The following CD226 variants were observed in gnomAD, a reference collection of about 807,000 sequenced individuals.
CD226 encodes CD226 antigen.
Under a neutral mutation model 34.9 loss-of-function variants are expected in CD226, and 24 were observed. The observed-to-expected ratio is 0.69, with a 90% CI of 0.50 to 0.97. The LOEUF is 0.97. Ranked by LOEUF, CD226 falls within the 50% of genes least tolerant of loss-of-function variation. CD226 has a pLI of 0.00. For missense variants in CD226, 397 were observed against 412.7 expected (o/e 0.96, Z 0.33); for synonymous variants, 148 against 147.4 (o/e 1.00, Z -0.03).
intron 2 of CD226, among the ~76,000 whole-genome samples, chr18:69,936,064 AGAGAAACCCAGGCATC>A (rs1269047664): frequency 6.6e-6 from 1 of 152,188 alleles, no homozygotes; most frequent in Non-Finnish European, 1.5e-5. Flanking sequence ...AAGGAGGTAG[AGAGAAACCCAGGCATC>A]GAGACAGACG....
upstream of CD226, among the ~76,000 whole-genome samples, chr18:69,960,641 G>C (rs540914811): frequency 2.3e-4 from 35 of 152,264 alleles, no homozygotes; most frequent in Admixed American, 3.9e-4. Context: ...GTAGAAACAG[G>C]GTTTTGCCTT....
At chr18:69,944,939 A>G (rs2055771235) in intron 2 of CD226, among the ~76,000 whole-genome samples, 1 of 152,260 alleles carries the variant, frequency 6.6e-6, no homozygotes, top group South Asian at 2.1e-4. Context: ...CTAAAGAGAA[A>G]GGGAAAACTA....
In CD226 at chr18:69,857,027, G is replaced by A. The variant is rs1160587307; in HGVS notation, c.*7287C>T. 2.6e-5 allele frequency: 4 copies of A among 152,178 alleles called. No homozygotes were observed. The highest frequency in any genetic ancestry group is 9.7e-5 in the African/African-American group (4 of 41,446). 9.4% of individuals were successfully genotyped at this position (152,178 alleles called of 1,614,324 possible). A position where few individuals can be genotyped will look rare whatever the true frequency, so the allele number is the denominator to read the frequency against. The stretch of plus-strand genomic sequence containing the variant: ...ACTAAAAATACAAAAAAATTAGCTG[G>A]GCATGGTGGTGGGCGCCTGAAGTCC... On this transcript the variant is annotated 3_prime_UTR_variant, in exon 6 of 6. Transcript: ENST00000582621.
intron 4 of CD226, 137 bp downstream of exon 4, chr18:69,873,007 A>T: frequency 1.6e-6 from 1 of 616,388 alleles, no homozygotes. Context: ...TACCACAGCT[A>T]CTTCTCCTCC....
intron 2 of CD226, among the ~76,000 whole-genome samples, chr18:69,904,368 C>T (rs1474768756): frequency 2.6e-5 from 4 of 152,278 alleles, no homozygotes; most frequent in Admixed American, 6.5e-5. Flanking sequence ...ATGCAGGCCC[C>T]GGCAGCTTTG....
In CD226 at chr18:69,853,361, C is replaced by T. The variant is rs1379809733; in HGVS notation, c.*10953G>A. 4 of 152,186 alleles carry T rather than the reference C, an allele frequency of 2.6e-5. No homozygotes were observed. Among genetic ancestry groups the T allele is most frequent in the Non-Finnish European group, 5.9e-5 (4 of 68,032 alleles). The allele number at this position is 152,186 out of a possible 1,614,324, so 9.4% of individuals were successfully genotyped here. On this transcript the variant is annotated 3_prime_UTR_variant, in exon 6 of 6. Coordinates refer to ENST00000582621, the MANE Select transcript of CD226 (RefSeq NM_001303618.2). ...CAAACAAACGTTGCATAAAAGGCCT[C>T]AGGACGTATAGACCTTCTGCCCTCT...
At chr18:69,949,275 G>A (rs977988976), upstream of CD226, among the ~76,000 whole-genome samples, 3 of 152,190 alleles carry the variant, frequency 2.0e-5, no homozygotes, top group African/African-American at 4.8e-5. Context: ...TGGAGCCGCC[G>A]AGGAGCTGAT....
At chr18:69,953,958 C>T (rs2055875393) in intron 1 of CD226, among the ~76,000 whole-genome samples, 1 of 151,310 alleles carries the variant, frequency 6.6e-6, no homozygotes, top group Admixed American at 6.6e-5. Context: ...TGAGATTGTG[C>T]CACTGCACTC....
chr18:69,889,949 A>G (rs1052058356), intron 3 of CD226, among the ~76,000 whole-genome samples: 1 of 152,230 alleles, frequency 6.6e-6, no homozygotes, highest in African/African-American at 2.4e-5. Context: ...TCAAAATAAG[A>G]AAATGAAAGT....
At chr18:69,944,307 G>A (rs4891794) in intron 2 of CD226, among the ~76,000 whole-genome samples, 115,582 of 152,100 alleles carry the variant, frequency 0.76, 51,336 homozygotes, top group East Asian at 1. Context: ...ACGGACAGCC[G>A]GTATTCCTTC....
At chr18:69,953,149 G>C (rs945494756) in intron 1 of CD226, among the ~76,000 whole-genome samples, 1 of 152,212 alleles carries the variant, frequency 6.6e-6, no homozygotes, top group Non-Finnish European at 1.5e-5. Flanking sequence ...CAGCTGCTGT[G>C]AAGAACAGTT....
chr18:69,882,472 G>A (rs1468507505), intron 3 of CD226, among the ~76,000 whole-genome samples: 1 of 152,156 alleles, frequency 6.6e-6, no homozygotes, highest in East Asian at 1.9e-4. Context: ...TGTATGGCAA[G>A]GATATTTAAG....
chr18:69,903,746 A>T (rs560199784), intron 2 of CD226, among the ~76,000 whole-genome samples: 188 of 152,248 alleles, frequency 1.2e-3, no homozygotes, highest in African/African-American at 4.1e-3. Context: ...ATTGCCAGAA[A>T]TTGCCAGAAG....
chr18:69,946,653 T>C, intron 2 of CD226, 81 bp downstream of exon 2: 3 of 916,088 alleles, frequency 3.3e-6, no homozygotes, highest in Non-Finnish European at 5.0e-6. Flanking sequence ...AGACATTCTA[T>C]AGCTTCTACT....
At chr18:69,950,998 T>C (rs1440356991), upstream of CD226, among the ~76,000 whole-genome samples, 1 of 150,578 alleles carries the variant, frequency 6.6e-6, no homozygotes, top group East Asian at 1.9e-4. Flanking sequence ...TGTGTGTGTG[T>C]GTGTGTGTGT....
intron 2 of CD226, among the ~76,000 whole-genome samples, chr18:69,910,844 C>T (rs888979347): frequency 6.6e-6 from 1 of 151,964 alleles, no homozygotes; most frequent in African/African-American, 2.4e-5. Flanking sequence ...GGTAAGAGGG[C>T]CAGATTTGGG....
At chr18:69,885,644 G>A (rs1055573160) in intron 3 of CD226, among the ~76,000 whole-genome samples, 1 of 152,142 alleles carries the variant, frequency 6.6e-6, no homozygotes, top group African/African-American at 2.4e-5. Flanking sequence ...CCATCACCAG[G>A]TCTCCTTTGC....
In CD226 at chr18:69,861,015, T is replaced by A. The variant is rs1197535788; in HGVS notation, c.*3299A>T. On this transcript the variant is annotated 3_prime_UTR_variant, in exon 6 of 6. Transcript: ENST00000582621. ...GGACTCTCTCAATTTAGAAAACTAC[T>A]GTTATACAGCTGTAATTTTTACTTA... 6.6e-6 allele frequency: 1 copy of A among 152,114 alleles called. No individual in the cohort carries two copies. The highest frequency in any genetic ancestry group is 1.5e-5 in the Non-Finnish European group (1 of 67,952). 9.4% of individuals were successfully genotyped at this position (152,114 alleles called of 1,614,324 possible).
rs192223726 is a variant in CD226 at position 69,942,696 on chromosome 18, C to T, written c.382+4038G>A. ...AGAGTCTCACTCTCACAGTGTCTTC[C>T]TTTCCTGGGAGGCTGCCTCTCAGGC... is the stretch of plus-strand genomic sequence containing the variant. On this transcript the variant is annotated intron_variant, in intron 2 of 5. Coordinates refer to ENST00000582621, the MANE Select transcript of CD226 (RefSeq NM_001303618.2). Among the ~76,000 whole-genome samples, 545 of 152,282 alleles carry T rather than the reference C, an allele frequency of 3.6e-3. 2 individuals carry two copies. Among genetic ancestry groups the T allele is most frequent in the Non-Finnish European group, 6.7e-3 (454 of 68,014 alleles).
Sources: gnomAD v4.1 joint callset for allele counts (sites outside exome capture counted in the v4.1 genomes callset) on GRCh38, gnomAD v4.1.1 for gene constraint, MANE v1.5 for transcripts, NCBI Gene and HGNC (gene_info 2026-07-23, HGNC 2026-07-21) for gene names.